The following ASB2 variants were observed in gnomAD, a reference collection of about 807,000 sequenced individuals.
ASB2 encodes the protein ankyrin repeat and SOCS box protein 2.
In ASB2, 58 loss-of-function variants were observed where a neutral mutation model predicts 62.4. The observed-to-expected ratio is 0.93, with a 90% CI of 0.75 to 1.16. ASB2 has a LOEUF of 1.16. Ranked by LOEUF, ASB2 falls within the 50% of genes most tolerant of loss-of-function variation. ASB2 has a pLI of 0.00. For synonymous variants in ASB2, 386 were observed against 385.3 expected (o/e 1.00, Z -0.02); for missense variants, 928 against 887.9 (o/e 1.05, Z -0.57).
rs969390080 is a variant in ASB2, at chr14:93,964,540, C to A, written c.-1G>T. On this transcript the variant is annotated 5_prime_UTR_variant, in exon 2 of 10. Coordinates refer to ENST00000555019, the MANE Select transcript of ASB2 (RefSeq NM_001202429.2). ...CCCGAGTGCTGATCTGCGTGGCCAT[C>A]CTCCTCCACCTCTCACCCTGGCCTC... is the stretch of plus-strand genomic sequence containing the variant. 5 of 1,536,010 alleles carry A rather than the reference C, an allele frequency of 3.3e-6. No homozygotes were observed. The African/African-American group carries it at 6.8e-5, about 21-fold the overall frequency.
At chr14:93,971,836 A>G (rs1165976666) in intron 1 of ASB2, among the ~76,000 whole-genome samples, 3 of 152,194 alleles carry the variant, frequency 2.0e-5, no homozygotes, top group African/African-American at 7.2e-5. Context: ...CATCCCACAC[A>G]ATGAATAGCA....
chr14:93,956,767 C>T lies in ASB2; in HGVS notation c.310G>A (p.Ala104Thr), dbSNP rs371606893. 1.2e-6 allele frequency: 2 copies of T among 1,614,058 alleles called. No homozygotes were observed. The highest frequency in any genetic ancestry group is 1.7e-6 in the Non-Finnish European group (2 of 1,180,034). The change falls in exon 3 of 10, where the codon GCG becomes ACG. Residue 104 changes from alanine to threonine, a missense_variant and splice_region_variant. By Grantham distance (58) the Ala-to-Thr change is moderately conservative (BLOSUM62 0). Transcript: ENST00000555019. Reference protein sequence around the residue: ...SSSLFKTSQLAPADPLIKAIK... With the variant: ...SSSLFKTSQLTPADPLIKAIK... ...TGGGGCCAGACAGGAGTCACTTACG[C>T]CAGCTGGGAGGTCTTGAACAAGCTG... is the stretch of plus-strand genomic sequence containing the variant.
chr14:93,939,040 C>A (rs1888389390), intron 8 of ASB2, 68 bp downstream of exon 8: 2 of 1,335,684 alleles, frequency 1.5e-6, no homozygotes, highest in African/African-American at 3.1e-5. Context: ...GCCCGCCTCC[C>A]ATGCGCGCGC....
chr14:93,936,869 A>G (rs1035693400), intron 9 of ASB2, among the ~76,000 whole-genome samples: 1 of 152,190 alleles, frequency 6.6e-6, no homozygotes, highest in Non-Finnish European at 1.5e-5. Flanking sequence ...CTAGAATGCC[A>G]CTGCACAGAT....
intron 1 of ASB2, among the ~76,000 whole-genome samples, chr14:93,972,590 G>A (rs138319232): frequency 2.4e-3 from 361 of 152,326 alleles, no homozygotes; most frequent in Non-Finnish European, 3.9e-3. Context: ...AGCCTGCGCC[G>A]TCTTCATCAG....
chr14:93,962,665 G>A (rs1270947863), intron 2 of ASB2, among the ~76,000 whole-genome samples: 1 of 152,198 alleles, frequency 6.6e-6, no homozygotes, highest in African/African-American at 2.4e-5. Flanking sequence ...GGGTCTGGAT[G>A]CCGAGGGCCC....
At chr14:93,947,765 A>G (rs1888790805) in intron 6 of ASB2, among the ~76,000 whole-genome samples, 1 of 152,026 alleles carries the variant, frequency 6.6e-6, no homozygotes, top group Non-Finnish European at 1.5e-5. Context: ...AGGCTGAGGC[A>G]GGCGGATCAC....
chr14:93,965,221 T>C (rs1304704628), intron 1 of ASB2, among the ~76,000 whole-genome samples: 1 of 152,240 alleles, frequency 6.6e-6, no homozygotes, highest in Non-Finnish European at 1.5e-5. Flanking sequence ...CATGTATTTA[T>C]GCTCACTTGT....
chr14:93,951,691 A>C (rs1260568347), intron 5 of ASB2, among the ~76,000 whole-genome samples: 1 of 152,198 alleles, frequency 6.6e-6, no homozygotes, highest in Non-Finnish European at 1.5e-5. Context: ...GGGATGTCCC[A>C]GGATGTCCCT....
chr14:93,939,730 G>T (rs969456516), intron 7 of ASB2, 58 bp from the exon 8 acceptor site: 4 of 1,279,178 alleles, frequency 3.1e-6, no homozygotes, highest in Non-Finnish European at 2.0e-6. Context: ...GACGGGTAGG[G>T]CCGGCCCCGC....
At chr14:93,966,743 G>A (rs1393635190) in intron 1 of ASB2, among the ~76,000 whole-genome samples, 1 of 152,182 alleles carries the variant, frequency 6.6e-6, no homozygotes, top group Non-Finnish European at 1.5e-5. Context: ...TCTCAGGCCT[G>A]GCTGAGAGTC....
At position 93,934,760 on chromosome 14, in the gene ASB2, G is replaced by A. The variant is rs1360424950; in HGVS notation, c.1804C>T (p.Leu602=). ...PPRPLAHLCR[L]RVRKAIGKYR... ...TTCCCAATGGCCTTTCGAACCCGCA[G>A]TCGGCAAAGGTGAGCCAGAGGTCTT... Residue 602 remains leucine (L), a synonymous_variant, in exon 10 of 10, where the codon CTG becomes TTG. Coordinates refer to ENST00000555019, the MANE Select transcript of ASB2 (RefSeq NM_001202429.2). 1 of 1,613,496 alleles carries A rather than the reference G, an allele frequency of 6.2e-7. No homozygotes were observed. The highest frequency in any genetic ancestry group is 8.5e-7 in the Non-Finnish European group (1 of 1,179,396).
At position 93,953,521 on chromosome 14, in the gene ASB2, A is replaced by C. The variant is rs1414931084; in HGVS notation, c.479-14T>G. 6.4e-7 allele frequency: 1 copy of C among 1,559,828 alleles called. No homozygotes were observed. The highest frequency in any genetic ancestry group is 1.8e-5 in the Admixed American group (1 of 55,004). On this transcript the variant is annotated splice_polypyrimidine_tract_variant and intron_variant, in intron 4 of 9. Coordinates refer to ENST00000555019, the MANE Select transcript of ASB2 (RefSeq NM_001202429.2). ...TCCCTGGGTACGCTAGGGAGGGCCCACCGGGAAATTCATGTAGGAGAAAGA... is the reference window on the plus strand; with the variant it reads ...TCCCTGGGTACGCTAGGGAGGGCCCCCCGGGAAATTCATGTAGGAGAAAGA...
Position 93,939,755 on chromosome 14 carries a change from G to A in ASB2, c.1053-83C>T, listed in dbSNP as rs868843183. 112 of 1,127,482 alleles carry A rather than the reference G, an allele frequency of 9.9e-5. No individual in the cohort carries two copies. The African/African-American group carries it at 1.7e-3, about 17-fold the overall frequency. The allele number at this position is 1,127,482 out of a possible 1,614,324, so 69.8% of individuals were successfully genotyped here. ...GCCGGCCCCGCCAGCAGGAGAGCTC[G>A]GGCGCCAGGCTCGGCTGGTCGCCCT... On this transcript the variant is annotated intron_variant, in intron 7 of 9. Transcript: ENST00000555019.
intron 9 of ASB2, among the ~76,000 whole-genome samples, chr14:93,937,134 C>A: frequency 6.6e-6 from 1 of 152,212 alleles, no homozygotes; most frequent in African/African-American, 2.4e-5. Flanking sequence ...AAGGCCCTGG[C>A]AAGGCTGGCT....
At chr14:93,951,375 A>T in intron 5 of ASB2, 131 bp from the exon 6 acceptor site, 1 of 1,106,188 alleles carries the variant, frequency 9.0e-7, no homozygotes. Context: ...TTAAGTTCCA[A>T]TCCCTGCATT....
intron 9 of ASB2, among the ~76,000 whole-genome samples, chr14:93,935,211 G>A (rs1477269518): frequency 6.6e-6 from 1 of 152,118 alleles, no homozygotes; most frequent in African/African-American, 2.4e-5. Context: ...GCCCCTACAT[G>A]TGGAATTCAA....
At chr14:93,958,680 G>T (rs980771297) in intron 2 of ASB2, among the ~76,000 whole-genome samples, 1 of 152,180 alleles carries the variant, frequency 6.6e-6, no homozygotes, top group Non-Finnish European at 1.5e-5. Context: ...AGTGTCCTTT[G>T]CATTAGTGCC....
rs1031079785 is a variant in ASB2 at position 93,962,176 on chromosome 14, G to A, written c.206+2158C>T. 9.8e-5 allele frequency among the ~76,000 whole-genome samples: 10 copies of A among 102,084 alleles called. No homozygotes were observed. In the South Asian group the frequency reaches 2.7e-3, roughly 27 times the overall value. 67.0% of individuals were successfully genotyped at this position (102,084 alleles called of 152,430 possible). On this transcript the variant is annotated intron_variant, in intron 2 of 9. Coordinates refer to ENST00000555019, the MANE Select transcript of ASB2 (RefSeq NM_001202429.2). Reference sequence around the variant, plus strand: ...GTCGCCCAGGCTGGAGTGCAGTGGCGGGATCTCGGCTCACTGCAAGCTCCG... The same window carrying A: ...GTCGCCCAGGCTGGAGTGCAGTGGCAGGATCTCGGCTCACTGCAAGCTCCG...
Sources: allele counts gnomAD v4.1 joint callset (sites outside exome capture counted in the v4.1 genomes callset), GRCh38; gene constraint gnomAD v4.1.1; transcripts MANE v1.5; gene names NCBI Gene and HGNC (gene_info 2026-07-23, HGNC 2026-07-21).